ST8SIA6: variants seen among roughly 807,000 people sequenced by gnomAD.
ST8SIA6 encodes alpha-2,8-sialyltransferase 8F.
A neutral mutation model predicts 33.6 loss-of-function variants in ST8SIA6; 39 were observed. That is an observed-to-expected ratio of 1.16 (90% CI 0.90 to 1.52). The LOEUF (loss-of-function observed/expected upper bound fraction) is 1.52. ST8SIA6 is among the 40% of genes most tolerant of loss of function. The probability of loss-of-function intolerance (pLI) is 0.00; values close to 1 mark genes in which losing one functional copy is unlikely to be tolerated. For synonymous variants in ST8SIA6, 172 were observed against 167.2 expected (o/e 1.03, Z -0.22); for missense variants, 441 against 443.8 (o/e 0.99, Z 0.06).
intron 2 of ST8SIA6, chr10:17,399,248 C>T (rs1236747215): frequency 6.6e-6 from 1 of 152,120 alleles, no homozygotes; most frequent in African/African-American, 2.4e-5. Flanking sequence ...TTCTTTGCTG[C>T]CTTGAAGCAA....
rs138273178 is a variant in ST8SIA6 at position 17,316,414 on chromosome 10, A to C, written c.*4464T>G. On this transcript the variant is annotated 3_prime_UTR_variant, in exon 8 of 8. Coordinates refer to ENST00000377602, the MANE Select transcript of ST8SIA6 (RefSeq NM_001004470.3). ...AGTTCACTGACTTCCGAAGAGACAG[A>C]TATCTGTGAGTCCAATTTGTCTACT... Among the ~76,000 whole-genome samples, 231 of 152,230 alleles carry C rather than the reference A, an allele frequency of 1.5e-3. 1 individual carries two copies. The highest frequency in any genetic ancestry group is 5.3e-3 in the African/African-American group (222 of 41,584).
intron 2 of ST8SIA6, chr10:17,398,984 T>C (rs1468607346): frequency 6.6e-6 from 1 of 152,222 alleles, no homozygotes; most frequent in Non-Finnish European, 1.5e-5. Flanking sequence ...AAGGCAAGCA[T>C]CGTAGTCTAC....
chr10:17,437,613 C>T (rs566258334), intron 2 of ST8SIA6, among the ~76,000 whole-genome samples: 1 of 60,950 alleles, frequency 1.6e-5, no homozygotes, highest in South Asian at 6.6e-4. Context: ...CCCCCTGTTT[C>T]CTTCCTTCCT....
chr10:17,366,202 T>C (rs980854151), intron 3 of ST8SIA6, among the ~76,000 whole-genome samples: 1 of 152,374 alleles, frequency 6.6e-6, no homozygotes, highest in East Asian at 1.9e-4. Context: ...TACATTGTTT[T>C]CAGCTATGCA....
chr10:17,327,290 T>G (rs924080546), intron 5 of ST8SIA6, among the ~76,000 whole-genome samples, 164 bp from the exon 6 acceptor site: 1 of 152,106 alleles, frequency 6.6e-6, no homozygotes, highest in Non-Finnish European at 1.5e-5. Flanking sequence ...TGACTTAGCA[T>G]AAAGAACCAG....
At chr10:17,336,001 G>A (rs1283454730) in intron 4 of ST8SIA6, among the ~76,000 whole-genome samples, 2 of 151,510 alleles carry the variant, frequency 1.3e-5, no homozygotes, top group Admixed American at 1.3e-4. Flanking sequence ...TGTTGCCCTG[G>A]CTGGAGTGCA....
At chr10:17,400,493 C>T (rs1383364469) in intron 2 of ST8SIA6, among the ~76,000 whole-genome samples, 3 of 152,188 alleles carry the variant, frequency 2.0e-5, no homozygotes, top group African/African-American at 7.2e-5. Context: ...GATCACGCGA[C>T]TGCACTCCAT....
chr10:17,337,136 G>A (rs557204161), intron 4 of ST8SIA6, among the ~76,000 whole-genome samples: 186 of 140,264 alleles, frequency 1.3e-3, no homozygotes, highest in South Asian at 2.1e-3. Context: ...AAAGTGTGAA[G>A]CACCTCCCCT....
At position 17,333,692 on chromosome 10, in the gene ST8SIA6, TATATATATATATATATA is replaced by T. The variant is rs1848383490; in HGVS notation, c.378-2157_378-2141del. 1.5e-3 allele frequency among the ~76,000 whole-genome samples: 45 copies of T among 29,096 alleles called. 4 individuals carry two copies. Among genetic ancestry groups the T allele is most frequent in the East Asian group, 7.1e-3 (4 of 566 alleles). 19.1% of individuals were successfully genotyped at this position (29,096 alleles called of 152,430 possible). A position where few individuals can be genotyped will look rare whatever the true frequency, so the allele number is the denominator to read the frequency against. ...GCTGGGATATATATATATATATATA[TATATATATATATATATA>T]TATATATATTTTTTTTTTTTTTTTT... On this transcript the variant is annotated intron_variant, in intron 4 of 7. Coordinates refer to ENST00000377602, the MANE Select transcript of ST8SIA6 (RefSeq NM_001004470.3).
intron 2 of ST8SIA6, among the ~76,000 whole-genome samples, chr10:17,419,873 T>G (rs189603494): frequency 8.7e-4 from 132 of 152,364 alleles, no homozygotes; most frequent in Admixed American, 3.7e-3. Context: ...ACACTTTATC[T>G]TTCCACCTAC....
chr10:17,412,901 G>T (rs1476413416), intron 2 of ST8SIA6, among the ~76,000 whole-genome samples: 3 of 152,136 alleles, frequency 2.0e-5, no homozygotes, highest in Non-Finnish European at 4.4e-5. Context: ...ATACTGATTT[G>T]ATATTTACAA....
intron 3 of ST8SIA6, among the ~76,000 whole-genome samples, chr10:17,380,096 G>C (rs1850075179): frequency 6.6e-6 from 1 of 152,172 alleles, no homozygotes; most frequent in Non-Finnish European, 1.5e-5. Context: ...TTTTTGGGGG[G>C]ACTTTACTTG....
At chr10:17,425,311 G>T (rs1851900443) in intron 2 of ST8SIA6, among the ~76,000 whole-genome samples, 2 of 152,116 alleles carry the variant, frequency 1.3e-5, no homozygotes, top group South Asian at 4.1e-4. Flanking sequence ...GCTCACACCT[G>T]TAATTCCAGC....
At chr10:17,397,100 C>G (rs1468515336) in intron 2 of ST8SIA6, among the ~76,000 whole-genome samples, 1 of 152,118 alleles carries the variant, frequency 6.6e-6, no homozygotes, top group East Asian at 1.9e-4. Context: ...TACTGGTGTT[C>G]CCCCATACAC....
At chr10:17,381,074 G>A (rs755915463) in intron 3 of ST8SIA6, among the ~76,000 whole-genome samples, 7 of 150,744 alleles carry the variant, frequency 4.6e-5, no homozygotes, top group Non-Finnish European at 7.4e-5. Flanking sequence ...GAGTTCTGTC[G>A]TCACCTGATT....
Position 17,316,956 on chromosome 10 carries a change from T to C in ST8SIA6, c.*3922A>G, listed in dbSNP as rs938644340. On this transcript the variant is annotated 3_prime_UTR_variant, in exon 8 of 8. Coordinates refer to ENST00000377602, the MANE Select transcript of ST8SIA6 (RefSeq NM_001004470.3). The stretch of plus-strand genomic sequence containing the variant: ...CTAGAACTCTTTCATTTTAATACAG[T>C]CATAGCCATCCTTTCTTAACCCAAC... Among the ~76,000 whole-genome samples, 2 of 151,686 alleles carry C rather than the reference T, an allele frequency of 1.3e-5. No individual in the cohort carries two copies. Among genetic ancestry groups the C allele is most frequent in the Middle Eastern group, 3.2e-3 (1 of 316 alleles).
chr10:17,432,124 G>A (rs1274042579), intron 2 of ST8SIA6, among the ~76,000 whole-genome samples: 1 of 152,198 alleles, frequency 6.6e-6, no homozygotes, highest in East Asian at 1.9e-4. Context: ...AGCATACTAT[G>A]TTCTAGAAAT....
chr10:17,350,886 C>T (rs2131608171), intron 4 of ST8SIA6, among the ~76,000 whole-genome samples: 1 of 152,106 alleles, frequency 6.6e-6, no homozygotes, highest in Admixed American at 6.5e-5. Flanking sequence ...AACTAGGGCT[C>T]CCTCAAAAAA....
intron 7 of ST8SIA6, 102 bp from the exon 8 acceptor site, chr10:17,321,448 G>C: frequency 2.2e-6 from 2 of 912,504 alleles, no homozygotes; most frequent in African/African-American, 1.7e-5. Flanking sequence ...AACACTGAAC[G>C]ATTTGTATAC....
Sources: allele counts gnomAD v4.1 joint callset (sites outside exome capture counted in the v4.1 genomes callset), GRCh38; gene constraint gnomAD v4.1.1; transcripts MANE v1.5; gene names NCBI Gene and HGNC (gene_info 2026-07-23, HGNC 2026-07-21).